BOC: variants seen among roughly 807,000 people sequenced by gnomAD.
The protein encoded by BOC is BOC cell adhesion associated, oncogene regulated, also known as brother of CDO.
A neutral mutation model predicts 112.0 loss-of-function variants in BOC; 76 were observed. The ratio of observed to expected loss-of-function variants is 0.68; its 90% confidence interval spans 0.56 to 0.82. The LOEUF is 0.82. Ranked by LOEUF, BOC falls within the 40% of genes least tolerant of loss-of-function variation. BOC has a pLI of 0.00. For missense variants in BOC, 1,309 were observed against 1,511.7 expected, an observed-to-expected ratio of 0.87 and a Z score of 2.22; for synonymous variants, 580 against 599.8, an observed-to-expected ratio of 0.97 and a Z score of 0.48.
At position 113,274,491 on chromosome 3, in the gene BOC, C is replaced by A. The variant is rs202102976; in HGVS notation, c.1351C>A (p.Pro451Thr). The A allele has an allele frequency of 7.4e-6, 12 of 1,612,488 alleles. No homozygotes were observed. Among genetic ancestry groups the A allele is most frequent in the Middle Eastern group, 1.7e-4 (1 of 6,058 alleles). Reference sequence around the variant, plus strand: ...GAGGGGGCAACCGGCGCTCCCCAGACCCCCAACGTCAGTGGGGCCTGCTTC... The same window carrying A: ...GAGGGGGCAACCGGCGCTCCCCAGAACCCCAACGTCAGTGGGGCCTGCTTC... ...MLRGQPALPR[P>T]PTSVGPASPQ... The change falls in exon 9 of 20, where the codon CCC becomes ACC. Residue 451 changes from proline to threonine, a missense_variant. Pro to Thr is a conservative substitution (Grantham distance 38). Transcript: ENST00000682979. The surrounding 1 kb of genome is among the most constrained non-coding windows in gnomAD (Gnocchi z 4.8).
At chr3:113,257,363 G>T (rs1347582067) in intron 4 of BOC, among the ~76,000 whole-genome samples, 1 of 152,188 alleles carries the variant, frequency 6.6e-6, no homozygotes, top group African/African-American at 2.4e-5. Context: ...TACCAGAGAT[G>T]CATTCACTGG....
intron 19 of BOC, 64 bp downstream of exon 19, chr3:113,285,629 C>T (rs938804987): frequency 7.1e-7 from 1 of 1,408,226 alleles, no homozygotes. Flanking sequence ...TAGGCATCCA[C>T]AAGCCAGTAG....
chr3:113,236,288 A>ATATATATATATATATACACATGGG lies in BOC; in HGVS notation c.-81-13418_-81-13417insCACATGGGTATATATATATATATA, dbSNP rs1553726854. ...TGTGTATATATACCCATGGGTATATATATATATATATATATATATATATAC... is the reference window on the plus strand; with the variant it reads ...TGTGTATATATACCCATGGGTATATATATATATATATATATACACATGGGTATATATATATATATATATATATAC... On this transcript the variant is annotated intron_variant, in intron 2 of 19. Transcript: ENST00000682979. 2.8e-4 allele frequency among the ~76,000 whole-genome samples: 6 copies of ATATATATATATATATACACATGGG among 21,664 alleles called. 1 individual carries two copies. The highest frequency in any genetic ancestry group is 1.5e-4 in the Non-Finnish European group (2 of 13,006). The allele number at this position is 21,664 out of a possible 152,430, so 14.2% of individuals were successfully genotyped here. A position where few individuals can be genotyped will look rare whatever the true frequency, so the allele number is the denominator to read the frequency against.
intron 2 of BOC, among the ~76,000 whole-genome samples, chr3:113,224,446 C>G (rs1273558952): frequency 6.6e-6 from 1 of 151,942 alleles, no homozygotes; most frequent in Non-Finnish European, 1.5e-5. Flanking sequence ...CAACACAAGG[C>G]ATTCTGGAGG....
At chr3:113,260,835 T>A (rs895088976) in intron 4 of BOC, among the ~76,000 whole-genome samples, 4 of 150,206 alleles carry the variant, frequency 2.7e-5, no homozygotes, top group African/African-American at 5.0e-5. Context: ...ATTTAGGAGG[T>A]TGTGCGCCCC....
At chr3:113,223,241 A>AGTTTT (rs1219569689) in intron 2 of BOC, among the ~76,000 whole-genome samples, 4 of 152,210 alleles carry the variant, frequency 2.6e-5, no homozygotes, top group Non-Finnish European at 5.9e-5. Context: ...CTCCAGCTCC[A>AGTTTT]GTTTTGTTTT....
chr3:113,232,171 T>C (rs1011808783), intron 2 of BOC, among the ~76,000 whole-genome samples: 4 of 152,138 alleles, frequency 2.6e-5, no homozygotes, highest in Admixed American at 6.5e-5. Flanking sequence ...CTGTAAACAG[T>C]GGTGCCTGAT....
intron 9 of BOC, among the ~76,000 whole-genome samples, chr3:113,277,894 C>A (rs1440125584): frequency 1.3e-5 from 2 of 152,240 alleles, no homozygotes; most frequent in Non-Finnish European, 2.9e-5. Flanking sequence ...GATCAGGGAG[C>A]CTGACTTGAA....
intron 2 of BOC, among the ~76,000 whole-genome samples, chr3:113,244,293 A>T (rs1030302301): frequency 1.3e-5 from 2 of 152,012 alleles, no homozygotes; most frequent in Admixed American, 6.6e-5. Flanking sequence ...GTATAGCAAT[A>T]TTTTTTTCTT....
rs1296284496 is a variant in BOC, at chr3:113,286,916, AAG to A, written c.*56_*57del. The A allele has an allele frequency of 1.3e-5, 18 of 1,438,416 alleles. 1 individual carries two copies. The highest frequency in any genetic ancestry group is 1.5e-5 in the African/African-American group (1 of 67,686). 89.1% of individuals were successfully genotyped at this position (1,438,416 alleles called of 1,614,324 possible). A position where few individuals can be genotyped will look rare whatever the true frequency, so the allele number is the denominator to read the frequency against. Reference sequence around the variant, plus strand: ...ATATTGTTTTTTTTTTAAAAAAAAAAAGAAGAAAAAAGAGACAGAGAAAATTG... The same window carrying A: ...ATATTGTTTTTTTTTTAAAAAAAAAAAAGAAAAAAGAGACAGAGAAAATTG... On this transcript the variant is annotated 3_prime_UTR_variant, in exon 20 of 20. Coordinates refer to ENST00000682979, the MANE Select transcript of BOC (RefSeq NM_001378074.1).
At chr3:113,247,736 T>C (rs1285332614) in intron 2 of BOC, among the ~76,000 whole-genome samples, 2 of 152,164 alleles carry the variant, frequency 1.3e-5, no homozygotes, top group Non-Finnish European at 1.5e-5. Context: ...CCTGGAGTAG[T>C]GGCAGGCACC....
At chr3:113,226,576 G>A (rs899310611) in intron 2 of BOC, among the ~76,000 whole-genome samples, 4 of 152,242 alleles carry the variant, frequency 2.6e-5, no homozygotes, top group Admixed American at 1.3e-4. Context: ...GGAATCTTAA[G>A]CAGGCAGAAC....
chr3:113,268,060 C>T (rs1947694950), intron 4 of BOC, among the ~76,000 whole-genome samples: 1 of 152,184 alleles, frequency 6.6e-6, no homozygotes, highest in Non-Finnish European at 1.5e-5. Flanking sequence ...TGATGGGATT[C>T]TCTCTGCACC....
rs916972601 is a variant in BOC, at chr3:113,236,526, T to C, written c.-81-13196T>C. ...TTGGACACTTGGAAGGGTGGGAGGG[T>C]GGGAAGAGGGTGAGGGATGAGAAAT... is the stretch of plus-strand genomic sequence containing the variant. On this transcript the variant is annotated intron_variant, in intron 2 of 19. Coordinates refer to ENST00000682979, the MANE Select transcript of BOC (RefSeq NM_001378074.1). Among the ~76,000 whole-genome samples the C allele has an allele frequency of 1.6e-4, 2 of 12,590 alleles. 1 individual carries two copies. Among genetic ancestry groups the C allele is most frequent in the South Asian group, 4.5e-3 (2 of 440 alleles). 8.3% of individuals were successfully genotyped at this position (12,590 alleles called of 152,430 possible). A position where few individuals can be genotyped will look rare whatever the true frequency, so the allele number is the denominator to read the frequency against.
intron 8 of BOC, 58 bp downstream of exon 8, chr3:113,273,399 A>C: frequency 1.3e-6 from 2 of 1,500,034 alleles, no homozygotes; most frequent in Non-Finnish European, 1.8e-6. Context: ...TCCTTTTCTC[A>C]AATGAAATCT....
At chr3:113,280,803 C>A in intron 14 of BOC, 140 bp downstream of exon 14, 1 of 862,254 alleles carries the variant, frequency 1.2e-6, no homozygotes. Context: ...GTGTCATTGA[C>A]TCATTCATAA....
chr3:113,227,023 C>G (rs781329664), intron 2 of BOC, among the ~76,000 whole-genome samples: 14 of 152,192 alleles, frequency 9.2e-5, no homozygotes, highest in Non-Finnish European at 1.8e-4. Flanking sequence ...AGAGGTCATA[C>G]TGCCTTGAAC....
At position 113,278,765 on chromosome 3, in the gene BOC, G is replaced by T. The variant is rs1269451940; in HGVS notation, c.1798G>T (p.Asp600Tyr). ...GASPQSSSQP[D>Y]HGRLSPPEAP... Reference sequence around the variant, plus strand: ...CAGTCCCCAGAGCAGCAGCCAGCCAGACCACGGCCGCCTCTCCCGTAAGCC... The same window carrying T: ...CAGTCCCCAGAGCAGCAGCCAGCCATACCACGGCCGCCTCTCCCGTAAGCC... Residue 600 changes from aspartate (D) to tyrosine (Y), a missense_variant, in exon 11 of 20, where the codon GAC (aspartate) becomes TAC (tyrosine). Transcript: ENST00000682979. This position sits in a 1 kb window ranked among gnomAD's most constrained non-coding sequence, Gnocchi z 4.2. The T allele has an allele frequency of 3.9e-6, 6 of 1,555,892 alleles. No homozygotes were observed. The highest frequency in any genetic ancestry group is 5.2e-6 in the Non-Finnish European group (6 of 1,149,528).
intron 4 of BOC, among the ~76,000 whole-genome samples, chr3:113,259,000 C>T (rs1946524827): frequency 6.6e-6 from 1 of 152,224 alleles, no homozygotes; most frequent in South Asian, 2.1e-4. Flanking sequence ...TAATAGCTCA[C>T]TAGAATTATC....
Sources: allele counts gnomAD v4.1 joint callset (sites outside exome capture counted in the v4.1 genomes callset), GRCh38; gene constraint gnomAD v4.1.1; non-coding constraint Gnocchi (gnomAD v3.1); transcripts MANE v1.5; gene names NCBI Gene and HGNC (gene_info 2026-07-23, HGNC 2026-07-21).